Variants in ROBO1 observed in about 807,000 individuals in gnomAD.
The protein encoded by ROBO1 is roundabout guidance receptor 1.
In ROBO1, 149 loss-of-function variants were observed where a neutral mutation model predicts 195.9. The ratio of observed to expected loss-of-function variants is 0.76; its 90% CI spans 0.67 to 0.87. The LOEUF (loss-of-function observed/expected upper bound fraction) is 0.87, where lower values mean the gene tolerates loss of function less well. Ranked by LOEUF, ROBO1 falls within the 40% of genes least tolerant of loss-of-function variation. ROBO1 has a pLI of 0.00. For missense variants in ROBO1, 1,933 were observed against 2,068.3 expected, an observed-to-expected ratio of 0.93 and a Z score of 1.27; for synonymous variants, 816 against 733.2, an observed-to-expected ratio of 1.11 and a Z score of -1.82.
chr3:79,250,491 C>A (rs2082699495), intron 2 of ROBO1, among the ~76,000 whole-genome samples: 1 of 152,136 alleles, frequency 6.6e-6, no homozygotes, highest in East Asian at 1.9e-4. Context: ...TTAGAAGTTG[C>A]CAAAAGCATT....
At chr3:79,363,444 T>C (rs1273028769) in intron 2 of ROBO1, among the ~76,000 whole-genome samples, 1 of 152,228 alleles carries the variant, frequency 6.6e-6, no homozygotes, top group Non-Finnish European at 1.5e-5. Flanking sequence ...ATACCAGGAT[T>C]TTAAAATTTT....
At chr3:79,745,543 C>CT (rs1221042765) in intron 1 of ROBO1, among the ~76,000 whole-genome samples, 2 of 152,130 alleles carry the variant, frequency 1.3e-5, no homozygotes, top group African/African-American at 4.8e-5. Context: ...CCAGACACAG[C>CT]TAGGGTTGAA....
intron 3 of ROBO1, among the ~76,000 whole-genome samples, chr3:79,116,280 T>TTTTC (rs980267415): frequency 2.0e-5 from 3 of 151,746 alleles, no homozygotes; most frequent in Non-Finnish European, 4.4e-5. Context: ...CCTTCCTTTC[T>TTTTC]TTTCTTTCTT....
At chr3:79,348,203 T>G (rs1380197079) in intron 2 of ROBO1, among the ~76,000 whole-genome samples, 2 of 112,478 alleles carry the variant, frequency 1.8e-5, no homozygotes, top group African/African-American at 3.3e-5. Context: ...ACAAAGAGAC[T>G]CCATCTCAAA....
chr3:78,771,236 T>C (rs1161578425), intron 4 of ROBO1, among the ~76,000 whole-genome samples: 1 of 152,190 alleles, frequency 6.6e-6, no homozygotes, highest in Non-Finnish European at 1.5e-5. Context: ...GGGTTCTCTA[T>C]TCCATTGCAC....
intron 2 of ROBO1, among the ~76,000 whole-genome samples, chr3:79,160,766 T>C (rs147564639): frequency 2.6e-5 from 4 of 152,120 alleles, no homozygotes; most frequent in African/African-American, 7.2e-5. Flanking sequence ...AATGATCATA[T>C]AGCACATGCT....
At chr3:79,376,473 T>C (rs1317982596) in intron 2 of ROBO1, among the ~76,000 whole-genome samples, 1 of 152,220 alleles carries the variant, frequency 6.6e-6, no homozygotes, top group Admixed American at 6.5e-5. Flanking sequence ...AAATTGTAGC[T>C]ATCGCAATTC....
chr3:79,739,693 A>G (rs900253805), intron 1 of ROBO1, among the ~76,000 whole-genome samples: 1 of 152,188 alleles, frequency 6.6e-6, no homozygotes, highest in Non-Finnish European at 1.5e-5. Context: ...CTGTTTTGGA[A>G]GGTGTTCAAG....
chr3:79,240,639 T>C (rs1388876665), intron 2 of ROBO1, among the ~76,000 whole-genome samples: 1 of 151,990 alleles, frequency 6.6e-6, no homozygotes, highest in South Asian at 2.1e-4. Flanking sequence ...TATAACATTA[T>C]ATTTATTATT....
At chr3:78,756,273 C>A (rs1333853414) in intron 4 of ROBO1, among the ~76,000 whole-genome samples, 1 of 152,022 alleles carries the variant, frequency 6.6e-6, no homozygotes, top group Non-Finnish European at 1.5e-5. Flanking sequence ...AAACGTGGGT[C>A]ATTTCCAAGG....
At chr3:79,397,958 A>T (rs1395054576) in intron 2 of ROBO1, among the ~76,000 whole-genome samples, 2 of 152,146 alleles carry the variant, frequency 1.3e-5, no homozygotes, top group East Asian at 1.9e-4. Flanking sequence ...GAAAAAATTT[A>T]AAAAATCATA....
intron 4 of ROBO1, among the ~76,000 whole-genome samples, chr3:78,766,452 G>A (rs778531471): frequency 6.6e-6 from 1 of 152,110 alleles, no homozygotes; most frequent in African/African-American, 2.4e-5. Context: ...CTACTGATTT[G>A]TGTACATTAA....
chr3:79,231,073 G>A (rs1229037336), intron 2 of ROBO1, among the ~76,000 whole-genome samples: 1 of 152,030 alleles, frequency 6.6e-6, no homozygotes, highest in Non-Finnish European at 1.5e-5. Context: ...ATCAACTCAG[G>A]ATGCATTAAA....
chr3:78,839,589 GT>G (rs2033031664), intron 4 of ROBO1, among the ~76,000 whole-genome samples: 1 of 151,808 alleles, frequency 6.6e-6, no homozygotes, highest in African/African-American at 2.4e-5. Context: ...AAACAAAATC[GT>G]TTAGAATTGT....
chr3:78,712,526 C>A (rs2081788732), intron 8 of ROBO1, among the ~76,000 whole-genome samples: 1 of 151,932 alleles, frequency 6.6e-6, no homozygotes, highest in African/African-American at 2.4e-5. Context: ...CTTTAACATA[C>A]TGTGTTTATT....
chr3:79,221,582 T>A (rs1449994311), intron 2 of ROBO1, among the ~76,000 whole-genome samples: 1 of 152,144 alleles, frequency 6.6e-6, no homozygotes, highest in East Asian at 1.9e-4. Context: ...TCACCTAAGT[T>A]TTAAAAGGTA....
intron 1 of ROBO1, among the ~76,000 whole-genome samples, chr3:79,714,878 T>G (rs1003250055): frequency 4.8e-5 from 7 of 147,310 alleles, no homozygotes; most frequent in African/African-American, 1.8e-4. Context: ...GGGATAGCAT[T>G]AGGAGATATA....
intron 3 of ROBO1, among the ~76,000 whole-genome samples, chr3:78,945,661 T>G (rs139002501): frequency 9.4e-4 from 143 of 152,102 alleles, no homozygotes; most frequent in African/African-American, 3.2e-3. Context: ...GGAACAAAAC[T>G]GGATGGAGAA....
chr3:78,884,644 AAAGAAAGGAAGGAAGGAAGGAAGG>A (rs2036409901), intron 4 of ROBO1, among the ~76,000 whole-genome samples: 2 of 81,050 alleles, frequency 2.5e-5, no homozygotes, highest in African/African-American at 1.0e-4. Flanking sequence ...AGAAAGAAAG[AAAGAAAGGAAGGAAGGAAGGAAGG>A]AAGGAAGGAA....
Sources: gnomAD v4.1 joint callset for allele counts (sites outside exome capture counted in the v4.1 genomes callset) on GRCh38, gnomAD v4.1.1 for gene constraint, MANE v1.5 for transcripts, NCBI Gene and HGNC (gene_info 2026-07-23, HGNC 2026-07-21) for gene names.